NTM: variants seen among roughly 807,000 people sequenced by gnomAD.
The protein encoded by NTM is IgLON family member 2.
NTM carries 13 observed loss-of-function variants against 42.1 expected under a neutral mutation model. The ratio of observed to expected loss-of-function variants is 0.31; its 90% CI spans 0.20 to 0.49. The LOEUF (loss-of-function observed/expected upper bound fraction) is 0.49. Ranked by LOEUF, NTM falls within the 20% of genes least tolerant of loss-of-function variation. The pLI is 0.99. For missense variants in NTM, 373 were observed against 452.8 expected (o/e 0.82, Z 1.60); for synonymous variants, 187 against 179.2 (o/e 1.04, Z -0.35).
chr11:131,408,932 C>A (rs1485140035), intron 1 of NTM, among the ~76,000 whole-genome samples: 1 of 152,196 alleles, frequency 6.6e-6, no homozygotes, highest in African/African-American at 2.4e-5. Context: ...GTTCACCCAT[C>A]ATGCATCAGA....
intron 4 of NTM, among the ~76,000 whole-genome samples, chr11:132,219,037 G>T (rs2084537517): frequency 6.6e-6 from 1 of 151,914 alleles, no homozygotes; most frequent in Admixed American, 6.6e-5. Flanking sequence ...TCATGATTTG[G>T]TTCTAGACCC....
intron 2 of NTM, among the ~76,000 whole-genome samples, chr11:131,975,333 C>T (rs2134772950): frequency 1.3e-5 from 2 of 152,238 alleles, no homozygotes; most frequent in Middle Eastern, 3.4e-3. Context: ...GTGCACGCCA[C>T]CATGCCCAGC....
chr11:131,383,863 A>G (rs932691694), intron 1 of NTM, among the ~76,000 whole-genome samples: 1 of 152,150 alleles, frequency 6.6e-6, no homozygotes, highest in Non-Finnish European at 1.5e-5. Context: ...AGACTAGAGG[A>G]AAGGGAGCCT....
At chr11:132,322,419 A>G in intron 7 of NTM, among the ~76,000 whole-genome samples, 1 of 142,478 alleles carries the variant, frequency 7.0e-6, no homozygotes, top group African/African-American at 2.6e-5. Flanking sequence ...ACAAAGATCA[A>G]AAGAGACAAA....
Position 131,434,487 on chromosome 11 carries a change from G to C in NTM, c.82+63599G>C, listed in dbSNP as rs916894849. On this transcript the variant is annotated intron_variant, in intron 1 of 8. Transcript: ENST00000683400. ...TTTTTAATGATTGCCATTCTAACTG[G>C]TGTGAGATAGTATCTCATTGTGGTT... is the stretch of plus-strand genomic sequence containing the variant. Among the ~76,000 whole-genome samples, 6 of 152,130 alleles carry C rather than the reference G, an allele frequency of 3.9e-5. No individual in the cohort carries two copies. In the East Asian group the frequency reaches 1.2e-3, roughly 29 times the overall value.
rs139849862 is a variant in NTM at position 131,969,650 on chromosome 11, C to T, written c.167+58002C>T. ...TGTGAATAGAAGCACTTTAGACTCT[C>T]GGCAGATCTATCTCTTTGAAGTTCT... On this transcript the variant is annotated intron_variant, in intron 2 of 8. Transcript: ENST00000683400. 4.2e-3 allele frequency among the ~76,000 whole-genome samples: 639 copies of T among 152,204 alleles called. 4 individuals are homozygous for T. Among genetic ancestry groups the T allele is most frequent in the African/African-American group, 0.014 (601 of 41,540 alleles).
intron 3 of NTM, among the ~76,000 whole-genome samples, chr11:132,190,552 A>T (rs1417455431): frequency 6.6e-6 from 1 of 152,024 alleles, no homozygotes; most frequent in Non-Finnish European, 1.5e-5. Context: ...CCTGGCCAAG[A>T]TGATGAAACC....
intron 1 of NTM, among the ~76,000 whole-genome samples, chr11:131,460,864 T>G (rs12224135): frequency 0.073 from 11,179 of 152,228 alleles, 993 homozygotes; most frequent in East Asian, 0.22. Context: ...AAGAGAGTGC[T>G]TTTGATGTCA....
chr11:132,183,606 A>G (rs1028734075), intron 3 of NTM, among the ~76,000 whole-genome samples: 3 of 151,762 alleles, frequency 2.0e-5, no homozygotes, highest in Admixed American at 6.6e-5. Context: ...ACTCCCTTTG[A>G]CAACACAAGT....
intron 2 of NTM, chr11:132,140,971 A>G (rs2068986219): frequency 6.6e-6 from 1 of 152,208 alleles, no homozygotes; most frequent in African/African-American, 2.4e-5. Flanking sequence ...ATTGCTTGAG[A>G]TGCGCTGCCT....
chr11:131,412,373 A>C (rs976653681), intron 1 of NTM, among the ~76,000 whole-genome samples: 1 of 152,210 alleles, frequency 6.6e-6, no homozygotes, highest in African/African-American at 2.4e-5. Flanking sequence ...TGCAGAAGAA[A>C]GGAAGGAGCA....
intron 7 of NTM, among the ~76,000 whole-genome samples, chr11:132,328,714 T>G (rs2095738307): frequency 6.6e-6 from 1 of 152,092 alleles, no homozygotes; most frequent in Non-Finnish European, 1.5e-5. Context: ...AAGTCTGTCT[T>G]TAGTCTGTCC....
chr11:132,110,773 G>A (rs1343273825), intron 2 of NTM, among the ~76,000 whole-genome samples: 2 of 152,014 alleles, frequency 1.3e-5, no homozygotes, highest in Non-Finnish European at 2.9e-5. Context: ...GGTGGCTGAT[G>A]CCTGTAATTC....
intron 1 of NTM, among the ~76,000 whole-genome samples, chr11:131,562,232 G>A (rs1046468527): frequency 6.6e-6 from 1 of 152,106 alleles, no homozygotes; most frequent in Non-Finnish European, 1.5e-5. Flanking sequence ...CATCCGCAGT[G>A]GGGGAGGTGA....
At chr11:131,649,724 T>C (rs2066233773) in intron 1 of NTM, among the ~76,000 whole-genome samples, 1 of 152,150 alleles carries the variant, frequency 6.6e-6, no homozygotes, top group Non-Finnish European at 1.5e-5. Context: ...CCAATACACA[T>C]GGTGACCAGA....
chr11:131,867,562 G>C (rs2047352803), intron 1 of NTM, among the ~76,000 whole-genome samples: 2 of 152,060 alleles, frequency 1.3e-5, no homozygotes, highest in Admixed American at 6.5e-5. Context: ...TTGGGTGTCT[G>C]TGTGTGTCTG....
In NTM at chr11:132,320,087, A is replaced by T. The variant is rs545235021; in HGVS notation, c.934+5384A>T. On this transcript the variant is annotated intron_variant, in intron 7 of 8. Transcript: ENST00000683400. Reference sequence around the variant, plus strand: ...GTTACAAGGAAAACTAACAAACAGAAAGGACATCCACACCAAAAACCAATC... The same window carrying T: ...GTTACAAGGAAAACTAACAAACAGATAGGACATCCACACCAAAAACCAATC... Among the ~76,000 whole-genome samples the T allele has an allele frequency of 2.6e-5, 4 of 152,354 alleles. No homozygotes were observed. In the South Asian group the frequency reaches 8.3e-4, roughly 32 times the overall value.
Position 131,404,993 on chromosome 11 carries a change from G to A in NTM, c.82+34105G>A, listed in dbSNP as rs77796092. 9.6e-3 allele frequency among the ~76,000 whole-genome samples: 1,457 copies of A among 152,246 alleles called. 21 individuals carry two copies. The highest frequency in any genetic ancestry group is 0.033 in the African/African-American group (1,369 of 41,534). On this transcript the variant is annotated intron_variant, in intron 1 of 8. Coordinates refer to ENST00000683400, the MANE Select transcript of NTM (RefSeq NM_001352005.2). ...TCTATGGAAGAATGACCACAATTCC[G>A]TATTCCCCTGCAAAACAACAATTAA... is the stretch of plus-strand genomic sequence containing the variant.
At chr11:131,419,981 G>T (rs1261930953) in intron 1 of NTM, among the ~76,000 whole-genome samples, 1 of 152,130 alleles carries the variant, frequency 6.6e-6, no homozygotes, top group East Asian at 1.9e-4. Context: ...CCCTTCCTTT[G>T]GTTGTTGGGA....
Sources: allele counts gnomAD v4.1 joint callset (sites outside exome capture counted in the v4.1 genomes callset), GRCh38; gene constraint gnomAD v4.1.1; transcripts MANE v1.5; gene names NCBI Gene and HGNC (gene_info 2026-07-23, HGNC 2026-07-21).